Variants in ROBO1 observed in about 807,000 individuals in gnomAD.
The protein encoded by ROBO1 is roundabout guidance receptor 1.
ROBO1 carries 149 observed loss-of-function variants against 195.9 expected under a neutral mutation model. That is an observed-to-expected ratio of 0.76 (90% CI 0.67 to 0.87). ROBO1 has a LOEUF of 0.87. Among genes scored for constraint, ROBO1 ranks in the 40% least tolerant of loss-of-function variants. The pLI is 0.00. For missense variants in ROBO1, 1,933 were observed against 2,068.3 expected, an observed-to-expected ratio of 0.93 and a Z score of 1.27; for synonymous variants, 816 against 733.2, an observed-to-expected ratio of 1.11 and a Z score of -1.82.
intron 1 of ROBO1, among the ~76,000 whole-genome samples, chr3:79,622,686 C>CT (rs1219191094): frequency 6.6e-6 from 1 of 152,214 alleles, no homozygotes; most frequent in Non-Finnish European, 1.5e-5. Context: ...CCTGATCTCC[C>CT]TGGGCTTGAG....
chr3:79,434,327 G>A (rs1214325510), intron 2 of ROBO1, among the ~76,000 whole-genome samples: 1 of 151,952 alleles, frequency 6.6e-6, no homozygotes, highest in Non-Finnish European at 1.5e-5. Flanking sequence ...TCTGACAAAG[G>A]GCTAATATCC....
chr3:79,136,011 C>A (rs1235455531), intron 2 of ROBO1, among the ~76,000 whole-genome samples: 1 of 152,134 alleles, frequency 6.6e-6, no homozygotes, highest in Non-Finnish European at 1.5e-5. Context: ...TGATCTAAAG[C>A]CTTCTCCATA....
intron 2 of ROBO1, among the ~76,000 whole-genome samples, chr3:79,352,497 A>G (rs1456685033): frequency 6.6e-6 from 1 of 152,194 alleles, no homozygotes; most frequent in African/African-American, 2.4e-5. Context: ...AGATTTCACA[A>G]GTTTTTGCCT....
intron 2 of ROBO1, among the ~76,000 whole-genome samples, chr3:79,536,516 T>C (rs1941869374): frequency 6.6e-6 from 1 of 152,180 alleles, no homozygotes; most frequent in South Asian, 2.1e-4. Flanking sequence ...GGGATTTCAA[T>C]TTGGATCTGA....
chr3:78,914,471 G>A (rs2038435670), intron 4 of ROBO1, among the ~76,000 whole-genome samples: 1 of 151,870 alleles, frequency 6.6e-6, no homozygotes, highest in African/African-American at 2.4e-5. Flanking sequence ...AAAAATCTGT[G>A]TATATTTAGT....
chr3:79,198,028 G>A (rs1412874591), intron 2 of ROBO1, among the ~76,000 whole-genome samples: 1 of 151,954 alleles, frequency 6.6e-6, no homozygotes, highest in African/African-American at 2.4e-5. Context: ...CTGTGGAGAA[G>A]CTCTTTAGTT....
At chr3:79,594,972 A>T (rs1944118113) in intron 1 of ROBO1, among the ~76,000 whole-genome samples, 1 of 152,034 alleles carries the variant, frequency 6.6e-6, no homozygotes, top group African/African-American at 2.4e-5. Flanking sequence ...TTTATAAGAT[A>T]ATCTCATTTT....
Position 79,196,036 on chromosome 3 carries a change from TA to T in ROBO1, c.89-70498del, listed in dbSNP as rs765948779. Among the ~76,000 whole-genome samples the T allele has an allele frequency of 2.6e-5, 4 of 151,528 alleles. No individual in the cohort carries two copies. In the East Asian group the frequency reaches 7.7e-4, roughly 29 times the overall value. On this transcript the variant is annotated intron_variant, in intron 2 of 30. Coordinates refer to ENST00000464233, the MANE Select transcript of ROBO1 (RefSeq NM_002941.4). ...CACCTACTTCATGCCAGGCATTGAATAAAGTATAGTGGACAAAAAGATGAAA... is the reference window on the plus strand; with the variant it reads ...CACCTACTTCATGCCAGGCATTGAATAAGTATAGTGGACAAAAAGATGAAA...
At chr3:78,681,103 T>C (rs1575920584) in intron 10 of ROBO1, among the ~76,000 whole-genome samples, 1 of 151,722 alleles carries the variant, frequency 6.6e-6, no homozygotes, top group South Asian at 2.1e-4. Context: ...AAACACCGCA[T>C]GTTCTCACTC....
chr3:79,018,396 C>T, intron 3 of ROBO1: 2 of 1,613,710 alleles, frequency 1.2e-6, no homozygotes, highest in Middle Eastern at 1.7e-4. Flanking sequence ...AGAAAGAAGA[C>T]GCGGGGTTAC....
At chr3:79,574,220 C>A (rs1181109106) in intron 2 of ROBO1, among the ~76,000 whole-genome samples, 2 of 152,000 alleles carry the variant, frequency 1.3e-5, no homozygotes, top group Non-Finnish European at 2.9e-5. Flanking sequence ...CTCAGTGTTT[C>A]CTCATTTTAA....
At chr3:79,205,639 C>T (rs2081853819) in intron 2 of ROBO1, among the ~76,000 whole-genome samples, 1 of 152,044 alleles carries the variant, frequency 6.6e-6, no homozygotes, top group Admixed American at 6.6e-5. Context: ...ACTACCTGCT[C>T]AGAAGTGGAG....
At position 78,897,080 on chromosome 3, in the gene ROBO1, T is replaced by C. The variant is rs537262061; in HGVS notation, c.499+41521A>G. ...CACATTAGGCTTTGCCATCTCTCTA[T>C]AGCTATGTTTCTGTAAGGAAACAAT... On this transcript the variant is annotated intron_variant, in intron 4 of 30. Transcript: ENST00000464233. Among the ~76,000 whole-genome samples, 6 of 152,320 alleles carry C rather than the reference T, an allele frequency of 3.9e-5. No individual in the cohort carries two copies. In the South Asian group the frequency reaches 1.2e-3, roughly 32 times the overall value.
intron 4 of ROBO1, among the ~76,000 whole-genome samples, chr3:78,934,010 G>A (rs1002604728): frequency 7.9e-5 from 12 of 151,832 alleles, no homozygotes; most frequent in African/African-American, 2.7e-4. Flanking sequence ...TTAAATTTAA[G>A]TATCTTAGCA....
At chr3:79,257,402 A>G (rs2082854777) in intron 2 of ROBO1, among the ~76,000 whole-genome samples, 1 of 148,492 alleles carries the variant, frequency 6.7e-6, no homozygotes, top group African/African-American at 2.4e-5. Context: ...GGGCAGCAGT[A>G]GAGTAAATTA....
At chr3:79,623,462 A>G (rs1025009921) in intron 1 of ROBO1, among the ~76,000 whole-genome samples, 1 of 152,192 alleles carries the variant, frequency 6.6e-6, no homozygotes, top group African/African-American at 2.4e-5. Context: ...AAAATGTTAG[A>G]GGAATTGCTA....
At chr3:78,875,223 T>C (rs2035769594) in intron 4 of ROBO1, among the ~76,000 whole-genome samples, 1 of 152,034 alleles carries the variant, frequency 6.6e-6, no homozygotes, top group South Asian at 2.1e-4. Context: ...AAGTGATTCA[T>C]TTTTAAAATA....
intron 3 of ROBO1, among the ~76,000 whole-genome samples, chr3:79,032,146 A>G (rs1265862367): frequency 6.6e-6 from 1 of 152,124 alleles, no homozygotes; most frequent in African/African-American, 2.4e-5. Flanking sequence ...TGAAAGAATC[A>G]TAGTTGTTTA....
At chr3:79,194,923 G>A (rs2081606604) in intron 2 of ROBO1, among the ~76,000 whole-genome samples, 1 of 151,564 alleles carries the variant, frequency 6.6e-6, no homozygotes, top group Admixed American at 6.6e-5. Context: ...ATAACAAGTA[G>A]GTTTGATATT....
Sources: gnomAD v4.1 joint callset for allele counts (sites outside exome capture counted in the v4.1 genomes callset) on GRCh38, gnomAD v4.1.1 for gene constraint, MANE v1.5 for transcripts, NCBI Gene and HGNC (gene_info 2026-07-23, HGNC 2026-07-21) for gene names.